POLR1E: variants seen among roughly 807,000 people sequenced by gnomAD.
POLR1E encodes the protein DNA-directed RNA polymerase I subunit RPA49.
POLR1E carries 37 observed loss-of-function variants against 50.9 expected under a neutral mutation model. The observed-to-expected ratio is 0.73, with a 90% confidence interval of 0.56 to 0.96. POLR1E has a LOEUF of 0.96. Ranked by LOEUF, POLR1E falls within the 40% of genes least tolerant of loss-of-function variation. The pLI is 0.00. For missense variants in POLR1E, 426 were observed against 518.1 expected, an observed-to-expected ratio of 0.82 and a Z score of 1.73; for synonymous variants, 166 against 191.6, an observed-to-expected ratio of 0.87 and a Z score of 1.10.
Position 37,500,878 on chromosome 9 carries a change from A to C in POLR1E, c.925A>C (p.Lys309Gln). The change falls in exon 10 of 12, where the codon AAA (lysine) becomes CAA (glutamine). Residue 309 changes from lysine to glutamine, a missense_variant. Physicochemically the swap from Lys to Gln is moderately conservative, Grantham distance 53. Coordinates refer to ENST00000377798, the MANE Select transcript of POLR1E (RefSeq NM_022490.4). The stretch of plus-strand genomic sequence containing the variant: ...TGGAGTTCCCCACATCATCAACACC[A>C]AACTGCTGAAGCACTTTACTTGCTT... ...GPGVPHIINT[K>Q]LLKHFTCLTY... is the part of the protein sequence containing the mutation. 6 of 1,614,102 alleles carry C rather than the reference A, an allele frequency of 3.7e-6. No homozygotes were observed. Among genetic ancestry groups the C allele is most frequent in the Non-Finnish European group, 5.1e-6 (6 of 1,179,936 alleles).
intron 1 of POLR1E, 130 bp downstream of exon 1, chr9:37,486,253 C>T: frequency 1.5e-6 from 2 of 1,300,928 alleles, no homozygotes; most frequent in Non-Finnish European, 2.1e-6. Flanking sequence ...CTCCACCACT[C>T]CCCTGGGCTC....
At chr9:37,487,693 A>AC (rs1371073721) in intron 2 of POLR1E, among the ~76,000 whole-genome samples, 170 bp from the exon 3 acceptor site, 1 of 152,164 alleles carries the variant, frequency 6.6e-6, no homozygotes. Context: ...CTGCAGGGAC[A>AC]CCCCATATTC....
chr9:37,489,980 T>C (rs1820650919), intron 4 of POLR1E, among the ~76,000 whole-genome samples: 1 of 152,112 alleles, frequency 6.6e-6, no homozygotes, highest in Admixed American at 6.6e-5. Context: ...CCTGTCCCCA[T>C]AGTGTTTAGA....
chr9:37,498,018 G>T lies in POLR1E; in HGVS notation c.753-73G>T, dbSNP rs148292355. 1,206 of 1,532,062 alleles carry T rather than the reference G, an allele frequency of 7.9e-4. 9 individuals are homozygous for T. In the African/African-American group the frequency reaches 0.015, roughly 19 times the overall value. 94.9% of individuals were successfully genotyped at this position (1,532,062 alleles called of 1,614,324 possible). ...GTGAGAGGCGCCTGCTGTTCTCGTT[G>T]TAAGAGGGAAGTAGTTCCTGACAGA... On this transcript the variant is annotated intron_variant, in intron 8 of 11. Coordinates refer to ENST00000377798, the MANE Select transcript of POLR1E (RefSeq NM_022490.4).
chr9:37,486,739 A>C lies in POLR1E; in HGVS notation c.113A>C (p.Asn38Thr). The C allele has an allele frequency of 1.9e-6, 3 of 1,614,244 alleles. No homozygotes were observed. Among genetic ancestry groups the C allele is most frequent in the African/African-American group, 2.7e-5 (2 of 75,070 alleles). Residue 38 changes from asparagine to threonine, a missense_variant, in exon 2 of 12, where the codon AAC (asparagine) becomes ACC (threonine). Transcript: ENST00000377798. Reference protein sequence around the residue: ...FSNGKLQSPGNMRFTLYENKD... With the variant: ...FSNGKLQSPGTMRFTLYENKD... Reference sequence around the variant, plus strand: ...AACGGGAAGCTACAGAGTCCAGGCAACATGCGCTTTACCTTGTATGAGAAC... The same window carrying C: ...AACGGGAAGCTACAGAGTCCAGGCACCATGCGCTTTACCTTGTATGAGAAC...
At chr9:37,492,298 G>T (rs1335049265) in intron 4 of POLR1E, 1 of 1,295,932 alleles carries the variant, frequency 7.7e-7, no homozygotes, top group South Asian at 1.2e-5. Context: ...CACCAAGAAA[G>T]CAAAATTATT....
intron 3 of POLR1E, among the ~76,000 whole-genome samples, chr9:37,488,896 A>T (rs1820626196): frequency 6.6e-6 from 1 of 151,924 alleles, no homozygotes; most frequent in Non-Finnish European, 1.5e-5. Flanking sequence ...CCATGAGTAG[A>T]TGATGCATTC....
rs887978411 is a variant in POLR1E at position 37,486,366 on chromosome 9, C to T, written c.76+243C>T. The T allele has an allele frequency of 1.3e-5, 19 of 1,475,180 alleles. No individual in the cohort carries two copies. In the African/African-American group the frequency reaches 2.5e-4, roughly 20 times the overall value. The allele number at this position is 1,475,180 out of a possible 1,614,324, so 91.4% of individuals were successfully genotyped here. ...GCTGTGTCCAGGACCCTGCTGACCCCCTCACCCACCAGGTCTCCCGCCTCC... is the reference window on the plus strand; with the variant it reads ...GCTGTGTCCAGGACCCTGCTGACCCTCTCACCCACCAGGTCTCCCGCCTCC... On this transcript the variant is annotated intron_variant, in intron 1 of 11. Coordinates refer to ENST00000377798, the MANE Select transcript of POLR1E (RefSeq NM_022490.4).
At chr9:37,502,635 G>A (rs1364753983) in intron 11 of POLR1E, among the ~76,000 whole-genome samples, 1 of 152,202 alleles carries the variant, frequency 6.6e-6, no homozygotes, top group African/African-American at 2.4e-5. Context: ...GTCCGTGGAG[G>A]GACTGTTCTG....
Position 37,495,946 on chromosome 9 carries a change from G to T in POLR1E, c.712G>T (p.Val238Phe), listed in dbSNP as rs762636583. 8.1e-6 allele frequency: 13 copies of T among 1,613,954 alleles called. No individual in the cohort carries two copies. Among genetic ancestry groups the T allele is most frequent in the Non-Finnish European group, 8.5e-7 (1 of 1,179,946 alleles). The change falls in exon 8 of 12, where the codon GTC becomes TTC. Residue 238 changes from valine (V) to phenylalanine (F), a missense_variant. Transcript: ENST00000377798. ...LQSPSEAFRN[V>F]TSEEILKMIE... ...GAGCCCATCTGAAGCTTTCAGGAAC[G>T]TCACGTCAGAAGAAATACTGAAGAT...
chr9:37,500,222 T>C (rs538526418), intron 9 of POLR1E, among the ~76,000 whole-genome samples: 27 of 151,840 alleles, frequency 1.8e-4, no homozygotes, highest in African/African-American at 6.3e-4. Flanking sequence ...TCTCACTCTA[T>C]TGCCCAGGCT....
At position 37,486,599 on chromosome 9, in the gene POLR1E, C is replaced by T. The variant is rs539817309; in HGVS notation, c.77-104C>T. 5.6e-6 allele frequency: 9 copies of T among 1,613,708 alleles called. No homozygotes were observed. In the African/African-American group the frequency reaches 1.1e-4, roughly 19 times the overall value. ...AGGACCCGAGCTTCCTTGCCATCCC[C>T]ATTCTGACACTCCCTCCCAGTGACA... On this transcript the variant is annotated intron_variant, in intron 1 of 11. Coordinates refer to ENST00000377798, the MANE Select transcript of POLR1E (RefSeq NM_022490.4).
At chr9:37,499,555 A>C (rs1211686860) in intron 9 of POLR1E, among the ~76,000 whole-genome samples, 1 of 152,002 alleles carries the variant, frequency 6.6e-6, no homozygotes, top group African/African-American at 2.4e-5. Flanking sequence ...TTTTTGAGAC[A>C]GTATCTCGCT....
Position 37,486,774 on chromosome 9 carries a change from A to T in POLR1E, c.148A>T (p.Thr50Ser). Reference sequence around the variant, plus strand: ...TACCTTGTATGAGAACAAAGATTCCACCAACCCCAGGAAGAGGAATCAACG... The same window carrying T: ...TACCTTGTATGAGAACAAAGATTCCTCCAACCCCAGGAAGAGGAATCAACG... ...RFTLYENKDSTNPRKRNQRIL... is the reference protein window; with the variant it reads ...RFTLYENKDSSNPRKRNQRIL... Residue 50 changes from threonine to serine, a missense_variant, in exon 2 of 12, where the codon ACC (threonine) becomes TCC (serine). Transcript: ENST00000377798. 6.2e-7 allele frequency: 1 copy of T among 1,613,588 alleles called. No homozygotes were observed. Among genetic ancestry groups the T allele is most frequent in the Non-Finnish European group, 8.5e-7 (1 of 1,179,926 alleles).
chr9:37,485,998 T>C lies in POLR1E; in HGVS notation c.-50T>C, dbSNP rs952185055. Reference sequence around the variant, plus strand: ...GGCTCCCGCGTGTTTAAAAGTGCGCTTGTGGCTGCTGCTGTCTTAACTCCT... The same window carrying C: ...GGCTCCCGCGTGTTTAAAAGTGCGCCTGTGGCTGCTGCTGTCTTAACTCCT... On this transcript the variant is annotated 5_prime_UTR_variant, in exon 1 of 12. Transcript: ENST00000377798. 3 of 1,571,632 alleles carry C rather than the reference T, an allele frequency of 1.9e-6. No individual in the cohort carries two copies. Among genetic ancestry groups the C allele is most frequent in the Non-Finnish European group, 2.6e-6 (3 of 1,159,302 alleles).
rs765761897 is a variant in POLR1E, at chr9:37,501,765, A to G, written c.1021A>G (p.Ile341Val). The G allele has an allele frequency of 6.2e-7, 1 of 1,614,054 alleles. No homozygotes were observed. The highest frequency in any genetic ancestry group is 1.7e-5 in the Admixed American group (1 of 60,028). ...GAAGGCGAAGATTACTGCATATGTGATCATACTTGCCTTGCACATACATGA... is the reference window on the plus strand; with the variant it reads ...GAAGGCGAAGATTACTGCATATGTGGTCATACTTGCCTTGCACATACATGA... Reference protein sequence around the residue: ...SMKAKITAYVIILALHIHDFQ... With the variant: ...SMKAKITAYVVILALHIHDFQ... The change falls in exon 11 of 12, where the codon ATC becomes GTC. Residue 341 changes from isoleucine to valine, a missense_variant. Physicochemically the swap from Ile to Val is conservative, Grantham distance 29. Coordinates refer to ENST00000377798, the MANE Select transcript of POLR1E (RefSeq NM_022490.4).
intron 3 of POLR1E, among the ~76,000 whole-genome samples, chr9:37,488,912 G>A (rs558150827): frequency 1.8e-4 from 27 of 152,180 alleles, no homozygotes; most frequent in African/African-American, 6.3e-4. Flanking sequence ...CATTCCTCAG[G>A]TGTGTGGGCA....
chr9:37,503,082 C>T lies in POLR1E; in HGVS notation c.1140C>T (p.Ser380=), dbSNP rs765077459. The change falls in exon 12 of 12, where the codon TCC becomes TCT. Residue 380 remains serine (S), a synonymous_variant. Coordinates refer to ENST00000377798, the MANE Select transcript of POLR1E (RefSeq NM_022490.4). ...EIAKAMRLKI[S]KRRVSVAAGS... ...CCAAAGCCATGAGGCTGAAGATCTCCAAAAGAAGGGTGTCTGTGGCCGCCG... is the reference window on the plus strand; with the variant it reads ...CCAAAGCCATGAGGCTGAAGATCTCTAAAAGAAGGGTGTCTGTGGCCGCCG... 13 of 1,613,738 alleles carry T rather than the reference C, an allele frequency of 8.1e-6. No individual in the cohort carries two copies. Among genetic ancestry groups the T allele is most frequent in the Admixed American group, 1.7e-5 (1 of 59,968 alleles).
At chr9:37,492,933 C>G (rs1211773953) in intron 5 of POLR1E, among the ~76,000 whole-genome samples, 1 of 152,188 alleles carries the variant, frequency 6.6e-6, no homozygotes, top group African/African-American at 2.4e-5. Context: ...GAACACAGCT[C>G]TGTGCCAATG....
Sources: allele counts gnomAD v4.1 joint callset (sites outside exome capture counted in the v4.1 genomes callset), GRCh38; gene constraint gnomAD v4.1.1; transcripts MANE v1.5; gene names NCBI Gene and HGNC (gene_info 2026-07-23, HGNC 2026-07-21).